Variants in CDCA7 observed in about 807,000 individuals in gnomAD.
The protein encoded by CDCA7 is cell division cycle-associated protein 7.
A neutral mutation model predicts 54.0 loss-of-function variants in CDCA7; 28 were observed. The observed-to-expected ratio is 0.52, with a 90% CI of 0.38 to 0.71. The LOEUF is 0.71. Ranked by LOEUF, CDCA7 falls within the 30% of genes least tolerant of loss-of-function variation. CDCA7 has a pLI of 0.00. For missense variants in CDCA7, 484 were observed against 586.0 expected (o/e 0.83, Z 1.80); for synonymous variants, 180 against 208.2 (o/e 0.86, Z 1.16).
chr2:173,366,897 T>C lies in CDCA7; in HGVS notation c.1186-253T>C, dbSNP rs113911422. On this transcript the variant is annotated intron_variant, in intron 8 of 9. Transcript: ENST00000306721. The surrounding 1 kb of genome is among the most constrained non-coding windows in gnomAD (Gnocchi z 4.5). Reference sequence around the variant, plus strand: ...ATGAATTCAGAGGGATGGTGCTGCATAGGCATGAGCCGCTTCTACGATACT... The same window carrying C: ...ATGAATTCAGAGGGATGGTGCTGCACAGGCATGAGCCGCTTCTACGATACT... 0.045 allele frequency among the ~76,000 whole-genome samples: 6,855 copies of C among 152,256 alleles called. 241 individuals are homozygous for C. Among genetic ancestry groups the C allele is most frequent in the African/African-American group, 0.096 (3,975 of 41,550 alleles).
Position 173,354,991 on chromosome 2 carries a change from G to T in CDCA7, c.21+7G>T. On this transcript the variant is annotated splice_region_variant and intron_variant, in intron 1 of 9. Transcript: ENST00000306721. ...GGACGCTCGCCGCGTGCCGGTGAGG[G>T]CTGGGCGGGCGAACCCGAGGGGCGG... 1 of 1,397,784 alleles carries T rather than the reference G, an allele frequency of 7.2e-7. No individual in the cohort carries two copies. Among genetic ancestry groups the T allele is most frequent in the South Asian group, 1.6e-5 (1 of 62,270 alleles). The allele number at this position is 1,397,784 out of a possible 1,614,324, so 86.6% of individuals were successfully genotyped here.
At chr2:173,363,978 C>A in intron 5 of CDCA7, 83 bp downstream of exon 5, 1 of 1,327,704 alleles carries the variant, frequency 7.5e-7, no homozygotes, top group Non-Finnish European at 1.1e-6. Context: ...AATCTAATTT[C>A]TTTATTTGTG....
rs762628426 is a variant in CDCA7, at chr2:173,358,801, T to C, written c.111T>C (p.Ser37=). ...AAACCTCGTCATCCTCTGATGACAG[T>C]TGTGACAGCTTTGCTTCTGATAATT... ...SMETSSSSDD[S]CDSFASDNFA... The change falls in exon 2 of 10, where the codon AGT becomes AGC. Residue 37 remains serine, a synonymous_variant. Coordinates refer to ENST00000306721, the MANE Select transcript of CDCA7 (RefSeq NM_031942.5). The C allele has an allele frequency of 6.2e-7, 1 of 1,613,914 alleles. No homozygotes were observed. Among genetic ancestry groups the C allele is most frequent in the East Asian group, 2.2e-5 (1 of 44,872 alleles).
In CDCA7 at chr2:173,363,407, G is replaced by C. The variant is rs768827005; in HGVS notation, c.566G>C (p.Ser189Thr). 1.2e-6 allele frequency: 2 copies of C among 1,614,192 alleles called. No individual in the cohort carries two copies. The highest frequency in any genetic ancestry group is 2.2e-5 in the South Asian group (2 of 91,088). Residue 189 changes from serine to threonine, a missense_variant, in exon 4 of 10, where the codon AGT becomes ACT. Transcript: ENST00000306721. Reference sequence around the variant, plus strand: ...TCCAACTCCGATTCAGAAGATGAAAGTGGAATGAATTTTTTGGAGAAAAGG... The same window carrying C: ...TCCAACTCCGATTCAGAAGATGAAACTGGAATGAATTTTTTGGAGAAAAGG... ...TDSNSDSEDE[S>T]GMNFLEKRAL...
chr2:173,366,520 G>A lies in CDCA7; in HGVS notation c.1185+88G>A, dbSNP rs1167849567. 1.3e-5 allele frequency: 20 copies of A among 1,523,584 alleles called. No individual in the cohort carries two copies. The Admixed American group carries it at 2.9e-4, about 22-fold the overall frequency. The allele number at this position is 1,523,584 out of a possible 1,614,324, so 94.4% of individuals were successfully genotyped here. A position where few individuals can be genotyped will look rare whatever the true frequency, so the allele number is the denominator to read the frequency against. ...CAGAAAAAGGCATTGGTGAAGGGGT[G>A]GAGCCCTTTCTGTTATGGGGTGCTC... On this transcript the variant is annotated intron_variant, in intron 8 of 9. Coordinates refer to ENST00000306721, the MANE Select transcript of CDCA7 (RefSeq NM_031942.5). The surrounding 1 kb of genome is among the most constrained non-coding windows in gnomAD (Gnocchi z 4.5).
chr2:173,365,036 T>C (rs767491623), intron 6 of CDCA7, 47 bp downstream of exon 6: 1 of 1,516,704 alleles, frequency 6.6e-7, no homozygotes, highest in Non-Finnish European at 8.7e-7. Context: ...TCATCTTCGG[T>C]AGGCCTGGCA....
Position 173,355,000 on chromosome 2 carries a change from G to A in CDCA7, c.21+16G>A. The A allele has an allele frequency of 7.2e-7, 1 of 1,384,772 alleles. No homozygotes were observed. Among genetic ancestry groups the A allele is most frequent in the South Asian group, 1.7e-5 (1 of 59,668 alleles). 85.8% of individuals were successfully genotyped at this position (1,384,772 alleles called of 1,614,324 possible). ...CCGCGTGCCGGTGAGGGCTGGGCGG[G>A]CGAACCCGAGGGGCGGGCGCGGTGG... On this transcript the variant is annotated intron_variant, in intron 1 of 9. Coordinates refer to ENST00000306721, the MANE Select transcript of CDCA7 (RefSeq NM_031942.5).
chr2:173,361,001 C>T (rs745675423), intron 3 of CDCA7, among the ~76,000 whole-genome samples: 9 of 152,106 alleles, frequency 5.9e-5, no homozygotes, highest in Admixed American at 1.3e-4. Flanking sequence ...TGCTTTCTGT[C>T]GTCATAGATT....
At chr2:173,357,927 G>C (rs1686539994) in intron 1 of CDCA7, among the ~76,000 whole-genome samples, 1 of 150,290 alleles carries the variant, frequency 6.7e-6, no homozygotes, top group Admixed American at 6.6e-5. Flanking sequence ...TTGGCCGGGC[G>C]CGGTGGCTCA....
chr2:173,361,996 T>C (rs1686630765), intron 3 of CDCA7, among the ~76,000 whole-genome samples: 2 of 152,172 alleles, frequency 1.3e-5, no homozygotes, highest in South Asian at 4.2e-4. Flanking sequence ...TTTGTATTTT[T>C]AGTAGAAACG....
chr2:173,358,439 A>G (rs1686552958), intron 1 of CDCA7: 1 of 235,584 alleles, frequency 4.2e-6, no homozygotes, highest in Admixed American at 5.5e-5. Context: ...CTGAGGCAGG[A>G]GGCTTGCTTG....
chr2:173,358,912 A>G lies in CDCA7; in HGVS notation c.147+75A>G, dbSNP rs1365288781. The G allele has an allele frequency of 2.6e-6, 4 of 1,541,044 alleles. No homozygotes were observed. The East Asian group carries it at 9.1e-5, about 35-fold the overall frequency. ...GCCCCAGATGCTTTGTGCGTGATTA[A>G]AACTGCTTGCTTTTTGCCTACATTT... is the stretch of plus-strand genomic sequence containing the variant. On this transcript the variant is annotated intron_variant, in intron 2 of 9. Transcript: ENST00000306721.
intron 1 of CDCA7, among the ~76,000 whole-genome samples, chr2:173,357,133 A>G (rs1438209963): frequency 6.6e-6 from 1 of 152,232 alleles, no homozygotes; most frequent in Non-Finnish European, 1.5e-5. Flanking sequence ...TAAGGAATAA[A>G]AACACAGGAC....
rs1482245489 is a variant in CDCA7, at chr2:173,364,821, A to G, written c.726A>G (p.Thr242=). 7 of 1,610,358 alleles carry G rather than the reference A, an allele frequency of 4.3e-6. No individual in the cohort carries two copies. Among genetic ancestry groups the G allele is most frequent in the Admixed American group, 3.4e-5 (2 of 59,176 alleles). The change falls in exon 6 of 10, where the codon ACA becomes ACG. Residue 242 remains threonine, a synonymous_variant. Coordinates refer to ENST00000306721, the MANE Select transcript of CDCA7 (RefSeq NM_031942.5). ...DSQSRRPRRR[T]FPGVASRRNP... ...AATCAAGGAGACCGCGAAGGCGTAC[A>G]TTCCCGGGTGTTGCTTCCAGGAGAA...
rs545978699 is a variant in CDCA7 at position 173,368,862 on chromosome 2, T to G, written c.*1198T>G. 26 of 152,380 alleles carry G rather than the reference T, an allele frequency of 1.7e-4. No individual in the cohort carries two copies. In the East Asian group the frequency reaches 4.6e-3, roughly 27 times the overall value. 9.4% of individuals were successfully genotyped at this position (152,380 alleles called of 1,614,324 possible). ...AAATACAGCTTTTGATCTGTAATGC[T>G]TTTATACAAAAGTTTATTTTAATAA... On this transcript the variant is annotated 3_prime_UTR_variant, in exon 10 of 10. Coordinates refer to ENST00000306721, the MANE Select transcript of CDCA7 (RefSeq NM_031942.5).
At chr2:173,365,393 T>A in intron 6 of CDCA7, 59 bp from the exon 7 acceptor site, 1 of 1,544,120 alleles carries the variant, frequency 6.5e-7, no homozygotes, top group Non-Finnish European at 8.8e-7. Context: ...TTTTCAGTTT[T>A]GAATCTCTTT....
Position 173,367,828 on chromosome 2 carries a change from G to C in CDCA7, c.*164G>C. The C allele has an allele frequency of 2.6e-6, 2 of 769,638 alleles. No homozygotes were observed. The highest frequency in any genetic ancestry group is 4.4e-6 in the Non-Finnish European group (2 of 452,110). 47.7% of individuals were successfully genotyped at this position (769,638 alleles called of 1,614,324 possible). A position where few individuals can be genotyped will look rare whatever the true frequency, so the allele number is the denominator to read the frequency against. On this transcript the variant is annotated 3_prime_UTR_variant, in exon 10 of 10. Coordinates refer to ENST00000306721, the MANE Select transcript of CDCA7 (RefSeq NM_031942.5). ...AGACATGTGTTTCTGGAGCATCACA[G>C]AAGGTATATTGCTAGTTACACTTTG...
rs1190482843 is a variant in CDCA7 at position 173,368,001 on chromosome 2, G to A, written c.*337G>A. 8.9e-6 allele frequency: 3 copies of A among 337,040 alleles called. No individual in the cohort carries two copies. The highest frequency in any genetic ancestry group is 2.1e-5 in the African/African-American group (1 of 47,620). 20.9% of individuals were successfully genotyped at this position (337,040 alleles called of 1,614,324 possible). ...ATTTTATTTACTTGGTGTTGAAATA[G>A]CCCTCATAAAACCTAAGCACTTGGA... On this transcript the variant is annotated 3_prime_UTR_variant, in exon 10 of 10. Coordinates refer to ENST00000306721, the MANE Select transcript of CDCA7 (RefSeq NM_031942.5).
chr2:173,363,303 G>A lies in CDCA7; in HGVS notation c.462G>A (p.Lys154=). The change falls in exon 4 of 10, where the codon AAG becomes AAA. Residue 154 remains lysine, a synonymous_variant. Coordinates refer to ENST00000306721, the MANE Select transcript of CDCA7 (RefSeq NM_031942.5). ...RHSGPLRVAM[K]FPARSTRGAT... is the part of the protein sequence containing the mutation. The stretch of plus-strand genomic sequence containing the variant: ...CTGGACCTCTCAGGGTGGCGATGAA[G>A]TTTCCAGCGCGGAGTACCAGGGGAG... The A allele has an allele frequency of 6.2e-7, 1 of 1,614,178 alleles. No homozygotes were observed. Among genetic ancestry groups the A allele is most frequent in the South Asian group, 1.1e-5 (1 of 91,092 alleles).
Sources: gnomAD v4.1 joint callset for allele counts (sites outside exome capture counted in the v4.1 genomes callset) on GRCh38, gnomAD v4.1.1 for gene constraint, Gnocchi (gnomAD v3.1) non-coding constraint, MANE v1.5 for transcripts, NCBI Gene and HGNC (gene_info 2026-07-23, HGNC 2026-07-21) for gene names.